The following FAM53A variants were observed in gnomAD, a reference collection of about 807,000 sequenced individuals.
FAM53A encodes the protein family with sequence similarity 53 member A, also known as protein FAM53A.
In FAM53A, 28 loss-of-function variants were observed where a neutral mutation model predicts 26.6. That is an observed-to-expected ratio of 1.05 (90% confidence interval 0.78 to 1.45). FAM53A has a LOEUF of 1.45. FAM53A is among the 40% of genes most tolerant of loss of function. The probability of loss-of-function intolerance (pLI) is 0.00; values close to 1 mark genes in which losing one functional copy is unlikely to be tolerated. For missense variants in FAM53A, 650 were observed against 575.8 expected (o/e 1.13, Z -1.32); for synonymous variants, 290 against 253.1 (o/e 1.15, Z -1.38).
intron 1 of FAM53A, among the ~76,000 whole-genome samples, chr4:1,632,177 A>AT (rs944627884): frequency 2.0e-5 from 3 of 151,896 alleles, no homozygotes; most frequent in Non-Finnish European, 4.4e-5. Flanking sequence ...AAAAAAAAAA[A>AT]AAAAGTTTAG....
the FAM53A span, among the ~76,000 whole-genome samples, chr4:1,603,812 G>C: frequency 5.3e-5 from 8 of 152,362 alleles, no homozygotes; most frequent in South Asian, 1.7e-3. Context: ...GCCCCAGGGA[G>C]CCTGGGGTGT....
chr4:1,578,267 G>C, the FAM53A span, among the ~76,000 whole-genome samples: 2 of 152,200 alleles, frequency 1.3e-5, no homozygotes, highest in Non-Finnish European at 2.9e-5. Context: ...AATGAAGCAT[G>C]CTAAATTGCT....
chr4:1,600,076 G>A, the FAM53A span, among the ~76,000 whole-genome samples: 3 of 152,220 alleles, frequency 2.0e-5, no homozygotes, highest in African/African-American at 7.2e-5. Flanking sequence ...CCCTAATGCA[G>A]GGACCACTGA....
intron 1 of FAM53A, among the ~76,000 whole-genome samples, chr4:1,618,434 G>A (rs1389290209): frequency 2.0e-5 from 3 of 152,214 alleles, no homozygotes; most frequent in African/African-American, 4.8e-5. Flanking sequence ...GTGGGAAGTG[G>A]GCTGGTACCA....
chr4:1,582,569 C>G, the FAM53A span, among the ~76,000 whole-genome samples: 2 of 152,178 alleles, frequency 1.3e-5, no homozygotes, highest in African/African-American at 4.8e-5. Context: ...CAGAGAGCCA[C>G]CCAGCCCGAG....
At chr4:1,613,764 C>G (rs1282152434), downstream of FAM53A, among the ~76,000 whole-genome samples, 1 of 152,184 alleles carries the variant, frequency 6.6e-6, no homozygotes, top group African/African-American at 2.4e-5. Context: ...GGAGAAAAAC[C>G]ACACAATTGT....
rs367684872 is a variant in FAM53A at position 1,642,170 on chromosome 4, C to T, written c.883-563G>A. 4.7e-4 allele frequency among the ~76,000 whole-genome samples: 72 copies of T among 152,306 alleles called. No homozygotes were observed. In the East Asian group the frequency reaches 0.013, roughly 27 times the overall value. On this transcript the variant is annotated intron_variant, in intron 4 of 4. Coordinates refer to ENST00000308132, the MANE Select transcript of FAM53A (RefSeq NM_001174070.3). ...GTCCTCAGGGGCCCACCAGACGCAGCTCCCACCTTCTCTGTCCTTGCACCT... is the reference window on the plus strand; with the variant it reads ...GTCCTCAGGGGCCCACCAGACGCAGTTCCCACCTTCTCTGTCCTTGCACCT...
chr4:1,623,876 C>T (rs1273974266), intron 1 of FAM53A, among the ~76,000 whole-genome samples: 1 of 152,192 alleles, frequency 6.6e-6, no homozygotes, highest in Non-Finnish European at 1.5e-5. Flanking sequence ...CGTTGATGGG[C>T]TCCCTCTCTG....
At chr4:1,618,790 C>T (rs1714904215) in intron 1 of FAM53A, among the ~76,000 whole-genome samples, 1 of 152,188 alleles carries the variant, frequency 6.6e-6, no homozygotes, top group Admixed American at 6.5e-5. Flanking sequence ...AGCACCATCC[C>T]AGCGGGGGAA....
At chr4:1,594,998 G>A in the FAM53A span, among the ~76,000 whole-genome samples, 1 of 152,208 alleles carries the variant, frequency 6.6e-6, no homozygotes, top group Non-Finnish European at 1.5e-5. Flanking sequence ...AGGCCCACTG[G>A]GCCATCTGCC....
downstream of FAM53A, among the ~76,000 whole-genome samples, chr4:1,614,639 T>A (rs1464675057): frequency 6.6e-6 from 1 of 152,034 alleles, no homozygotes; most frequent in Non-Finnish European, 1.5e-5. Context: ...TGGGGTTCTG[T>A]CTAGGAAGCC....
intron 1 of FAM53A, among the ~76,000 whole-genome samples, chr4:1,619,279 G>C (rs1714926070): frequency 6.6e-6 from 1 of 152,220 alleles, no homozygotes; most frequent in South Asian, 2.1e-4. Flanking sequence ...GCCCGGGGCT[G>C]GGCAAACACG....
At chr4:1,608,194 T>C in the FAM53A span, among the ~76,000 whole-genome samples, 51,647 of 150,674 alleles carry the variant, frequency 0.34, 9,419 homozygotes, top group East Asian at 0.7. Flanking sequence ...ATGGTGCCCC[T>C]ATGGCCCCCC....
At chr4:1,582,070 C>T in the FAM53A span, among the ~76,000 whole-genome samples, 2 of 152,208 alleles carry the variant, frequency 1.3e-5, no homozygotes, top group African/African-American at 4.8e-5. Flanking sequence ...AATTTCTTTA[C>T]ATCAGCCACA....
intron 2 of FAM53A, 130 bp from the exon 3 acceptor site, chr4:1,657,598 C>T (rs1713493536): frequency 1.6e-5 from 13 of 789,632 alleles, no homozygotes; most frequent in Non-Finnish European, 2.5e-5. Flanking sequence ...AAAATAAGCA[C>T]AGTTTTATTA....
the FAM53A span, among the ~76,000 whole-genome samples, chr4:1,596,637 G>A: frequency 0.54 from 82,377 of 151,698 alleles, 22,800 homozygotes; most frequent in African/African-American, 0.59. Flanking sequence ...TCAGGGACTG[G>A]CTCTTTCACT....
At chr4:1,650,370 G>A (rs1712664956) in intron 4 of FAM53A, among the ~76,000 whole-genome samples, 1 of 99,696 alleles carries the variant, frequency 1.0e-5, no homozygotes, top group Non-Finnish European at 2.0e-5. Context: ...CTGTGAGGTG[G>A]CACAGGTGTG....
the FAM53A span, among the ~76,000 whole-genome samples, chr4:1,595,250 G>A: frequency 6.6e-6 from 1 of 152,224 alleles, no homozygotes; most frequent in Non-Finnish European, 1.5e-5. Context: ...CAGCAGCAGG[G>A]GTGCAAGAAG....
chr4:1,586,973 G>T, the FAM53A span, among the ~76,000 whole-genome samples: 1 of 152,088 alleles, frequency 6.6e-6, no homozygotes, highest in Non-Finnish European at 1.5e-5. Flanking sequence ...TTTTGATTTT[G>T]ATTTCCCTGA....
Sources: allele counts gnomAD v4.1 joint callset (sites outside exome capture counted in the v4.1 genomes callset), GRCh38; gene constraint gnomAD v4.1.1; transcripts MANE v1.5; gene names NCBI Gene and HGNC (gene_info 2026-07-23, HGNC 2026-07-21).